Variants in FRMD6 observed in about 807,000 individuals in gnomAD.
The protein encoded by FRMD6 is FERM domain containing 6, also known as FERM domain-containing protein 6.
FRMD6 carries 37 observed loss-of-function variants against 73.2 expected under a neutral mutation model. That is an observed-to-expected ratio of 0.51 (90% CI 0.39 to 0.66). The LOEUF (loss-of-function observed/expected upper bound fraction) is 0.66. Ranked by LOEUF, FRMD6 falls within the 30% of genes least tolerant of loss-of-function variation. The pLI, the probability that FRMD6 is intolerant of heterozygous loss-of-function variation, is 0.00. For missense variants in FRMD6, 714 were observed against 780.5 expected (o/e 0.91, Z 1.02); for synonymous variants, 273 against 282.2 (o/e 0.97, Z 0.33).
At chr14:51,494,109 A>T (rs775854654) in intron 1 of FRMD6, among the ~76,000 whole-genome samples, 1 of 150,162 alleles carries the variant, frequency 6.7e-6, no homozygotes, top group African/African-American at 2.5e-5. Context: ...TGCAGACAAT[A>T]TCATTCTGTC....
At chr14:51,626,041 A>G (rs1337579445) in intron 2 of FRMD6, among the ~76,000 whole-genome samples, 1 of 152,216 alleles carries the variant, frequency 6.6e-6, no homozygotes, top group Non-Finnish European at 1.5e-5. Flanking sequence ...AAGATGCTGT[A>G]TGTCAATTGT....
the FRMD6 span, among the ~76,000 whole-genome samples, chr14:51,445,406 A>C: frequency 6.6e-6 from 1 of 152,194 alleles, no homozygotes; most frequent in Non-Finnish European, 1.5e-5. Flanking sequence ...TGACCTCAAA[A>C]ATAAGTCCCC....
At chr14:51,504,305 G>A (rs1883814572) in intron 1 of FRMD6, among the ~76,000 whole-genome samples, 1 of 152,186 alleles carries the variant, frequency 6.6e-6, no homozygotes. Context: ...CCTTCCTCTG[G>A]AAGCTCTGTA....
At chr14:51,442,280 G>C in the FRMD6 span, among the ~76,000 whole-genome samples, 3 of 152,092 alleles carry the variant, frequency 2.0e-5, no homozygotes, top group African/African-American at 7.2e-5. Context: ...TCCTTTCTTT[G>C]CCTCCCTAAT....
At chr14:51,490,618 G>GTGTGTGTGTGTA (rs1435928581) in intron 1 of FRMD6, among the ~76,000 whole-genome samples, 2 of 150,800 alleles carry the variant, frequency 1.3e-5, no homozygotes, top group Non-Finnish European at 3.0e-5. Flanking sequence ...TGTGTATTTT[G>GTGTGTGTGTGTA]TGTGTGTGTG....
chr14:51,644,384 C>CA (rs758343333), intron 2 of FRMD6, among the ~76,000 whole-genome samples: 9 of 122,036 alleles, frequency 7.4e-5, no homozygotes, highest in African/African-American at 2.3e-4. Context: ...CACACACACA[C>CA]ACACTCACTC....
chr14:51,401,743 A>G, the FRMD6 span, among the ~76,000 whole-genome samples: 1 of 152,324 alleles, frequency 6.6e-6, no homozygotes, highest in South Asian at 2.1e-4. Context: ...AAATCACTAT[A>G]CTGTGATGAA....
intron 1 of FRMD6, among the ~76,000 whole-genome samples, chr14:51,502,308 C>G (rs1883671162): frequency 6.6e-6 from 1 of 152,116 alleles, no homozygotes; most frequent in Admixed American, 6.5e-5. Flanking sequence ...CCTAGATTTC[C>G]TTCTAGAGCT....
intron 1 of FRMD6, among the ~76,000 whole-genome samples, chr14:51,529,187 A>G (rs1453205932): frequency 3.9e-5 from 6 of 152,252 alleles, no homozygotes; most frequent in Non-Finnish European, 1.5e-5. Context: ...AGTGTCTGAA[A>G]GCATATATTA....
the FRMD6 span, among the ~76,000 whole-genome samples, chr14:51,397,648 C>G: frequency 6.6e-6 from 1 of 152,142 alleles, no homozygotes; most frequent in Non-Finnish European, 1.5e-5. Flanking sequence ...AGGTTGAACA[C>G]CTGTAATCTC....
chr14:51,541,952 A>T (rs1305790333), intron 1 of FRMD6, among the ~76,000 whole-genome samples: 1 of 151,984 alleles, frequency 6.6e-6, no homozygotes, highest in Non-Finnish European at 1.5e-5. Flanking sequence ...TAAGGTTTTT[A>T]TCATGGAAGT....
At chr14:51,474,328 A>G in the FRMD6 span, among the ~76,000 whole-genome samples, 1 of 152,240 alleles carries the variant, frequency 6.6e-6, no homozygotes, top group African/African-American at 2.4e-5. Context: ...GTTAAACACT[A>G]CATCACAAAA....
chr14:51,713,624 G>A (rs751775297), intron 9 of FRMD6: 2 of 152,140 alleles, frequency 1.3e-5, no homozygotes, highest in Non-Finnish European at 1.5e-5. Context: ...ATAGCTCCAT[G>A]AGGCTATATT....
At chr14:51,617,940 A>G (rs567542008) in intron 2 of FRMD6, among the ~76,000 whole-genome samples, 27 of 152,288 alleles carry the variant, frequency 1.8e-4, no homozygotes, top group African/African-American at 6.0e-4. Context: ...ATAATGATCC[A>G]TTTACTTGCA....
At chr14:51,551,492 C>T (rs1051868322) in intron 1 of FRMD6, among the ~76,000 whole-genome samples, 4 of 152,080 alleles carry the variant, frequency 2.6e-5, no homozygotes, top group Admixed American at 6.5e-5. Flanking sequence ...CTTAGCACTT[C>T]GGGAGACCAA....
intron 2 of FRMD6, among the ~76,000 whole-genome samples, chr14:51,576,976 G>A (rs1025728388): frequency 6.6e-6 from 1 of 152,314 alleles, no homozygotes; most frequent in African/African-American, 2.4e-5. Context: ...AAAGCACTAT[G>A]CAAATGTAAG....
At chr14:51,495,460 A>C (rs1307853484) in intron 1 of FRMD6, among the ~76,000 whole-genome samples, 1 of 152,250 alleles carries the variant, frequency 6.6e-6, no homozygotes, top group Non-Finnish European at 1.5e-5. Flanking sequence ...CACTGAGTCA[A>C]ATAGAATGAC....
chr14:51,462,784 A>AAGAG, the FRMD6 span, among the ~76,000 whole-genome samples: 1,230 of 149,558 alleles, frequency 8.2e-3, 15 homozygotes, highest in African/African-American at 0.028. Context: ...ATAAGGGAGG[A>AAGAG]AGAGAGAGAG....
At chr14:51,460,890 T>C in the FRMD6 span, among the ~76,000 whole-genome samples, 1 of 152,240 alleles carries the variant, frequency 6.6e-6, no homozygotes, top group Non-Finnish European at 1.5e-5. Context: ...ATATTGTATG[T>C]TCCTTTTTCA....
Sources: gnomAD v4.1 joint callset for allele counts (sites outside exome capture counted in the v4.1 genomes callset) on GRCh38, gnomAD v4.1.1 for gene constraint, MANE v1.5 for transcripts, NCBI Gene and HGNC (gene_info 2026-07-23, HGNC 2026-07-21) for gene names.